Variants in INHBA observed in about 807,000 individuals in gnomAD.
INHBA encodes inhibin subunit beta A.
In INHBA, 1 loss-of-function variant was observed where a neutral mutation model predicts 29.0. That is an observed-to-expected ratio of 0.03 (90% CI 0.01 to 0.16). INHBA has a LOEUF of 0.16. Among genes scored for constraint, INHBA ranks in the 10% least tolerant of loss-of-function variants. The pLI, the probability that INHBA is intolerant of heterozygous loss-of-function variation, is 1.00. For missense variants in INHBA, 376 were observed against 545.4 expected, an observed-to-expected ratio of 0.69 and a Z score of 3.09; for synonymous variants, 242 against 216.8, an observed-to-expected ratio of 1.12 and a Z score of -1.02.
chr7:41,695,962 C>T (rs1794637350), intron 2 of INHBA, among the ~76,000 whole-genome samples: 1 of 152,160 alleles, frequency 6.6e-6, no homozygotes, highest in African/African-American at 2.4e-5. Context: ...TTACAACGGA[C>T]TTTCCACCCT....
In INHBA at chr7:41,688,720, A is replaced by AAC. The variant is rs1346162575; in HGVS notation, c.*929_*930insGT. ...TGCAAATAGTAAACGATTAAAAAAA[A>AAC]AACAACAACAACATTTACAAAATAT... is the stretch of plus-strand genomic sequence containing the variant. On this transcript the variant is annotated 3_prime_UTR_variant, in exon 3 of 3. Transcript: ENST00000242208. 1 of 164,502 alleles carries AAC rather than the reference A, an allele frequency of 6.1e-6. No individual in the cohort carries two copies. The highest frequency in any genetic ancestry group is 2.4e-5 in the African/African-American group (1 of 41,618). 10.2% of individuals were successfully genotyped at this position (164,502 alleles called of 1,614,324 possible). A position where few individuals can be genotyped will look rare whatever the true frequency, so the allele number is the denominator to read the frequency against.
chr7:41,690,316 C>G lies in INHBA; in HGVS notation c.615G>C (p.Leu205Phe). ...VGLKGERSEL[L>F]LSEKVVDARK... ...GAGCGTCTACTACTTTTTCAGAGAGCAACAGTTCACTCCTCTCCCCCTTTA... is the reference window on the plus strand; with the variant it reads ...GAGCGTCTACTACTTTTTCAGAGAGGAACAGTTCACTCCTCTCCCCCTTTA... Residue 205 changes from leucine to phenylalanine, a missense_variant, in exon 3 of 3, where the codon TTG becomes TTC. Coordinates refer to ENST00000242208, the MANE Select transcript of INHBA (RefSeq NM_002192.4). The G allele has an allele frequency of 6.2e-7, 1 of 1,614,052 alleles. No individual in the cohort carries two copies.
In INHBA at chr7:41,690,283, G is replaced by A. The variant is rs769460107; in HGVS notation, c.648C>T (p.Ser216=). The change falls in exon 3 of 3, where the codon AGC becomes AGT. Residue 216 remains serine (S), a synonymous_variant. Transcript: ENST00000242208. ...TGGAGACAGGGAAGACATGCCAGGT[G>A]CTCTTCCGAGCGTCTACTACTTTTT... The part of the protein sequence containing the change: ...LSEKVVDARK[S]TWHVFPVSSS... 2.5e-6 allele frequency: 4 copies of A among 1,614,042 alleles called. No individual in the cohort carries two copies. Among genetic ancestry groups the A allele is most frequent in the South Asian group, 1.1e-5 (1 of 91,068 alleles).
intron 2 of INHBA, among the ~76,000 whole-genome samples, chr7:41,699,232 G>T (rs189657002): frequency 3.3e-5 from 5 of 152,166 alleles, no homozygotes; most frequent in African/African-American, 1.2e-4. Flanking sequence ...TCAAGGTTGC[G>T]TTCCTTGGCA....
In INHBA at chr7:41,697,581, G is replaced by A. The variant is rs953038700; in HGVS notation, c.388+2406C>T. On this transcript the variant is annotated intron_variant, in intron 2 of 2. Transcript: ENST00000242208. ...AAGGGGCTGCTATGGGTCTGCATCT[G>A]TGGCATGCTCATGGGTGACAATGTC... Among the ~76,000 whole-genome samples, 15 of 152,172 alleles carry A rather than the reference G, an allele frequency of 9.9e-5. No homozygotes were observed. The East Asian group carries it at 1.3e-3, about 14-fold the overall frequency.
At chr7:41,694,644 T>C (rs544441795) in intron 2 of INHBA, among the ~76,000 whole-genome samples, 1 of 152,324 alleles carries the variant, frequency 6.6e-6, no homozygotes, top group African/African-American at 2.4e-5. Context: ...ATTCTTTTCA[T>C]CCTCTGTGCT....
chr7:41,697,888 A>G (rs1794684919), intron 2 of INHBA, among the ~76,000 whole-genome samples: 1 of 152,198 alleles, frequency 6.6e-6, no homozygotes, highest in South Asian at 2.1e-4. Flanking sequence ...AATACATGAA[A>G]TTACATTAAA....
At chr7:41,694,506 C>T (rs1308735557) in intron 2 of INHBA, among the ~76,000 whole-genome samples, 1 of 152,146 alleles carries the variant, frequency 6.6e-6, no homozygotes, top group Non-Finnish European at 1.5e-5. Flanking sequence ...GAATGTCTTC[C>T]CATAGTGCGC....
At chr7:41,698,703 G>T (rs949681001) in intron 2 of INHBA, among the ~76,000 whole-genome samples, 15 of 152,286 alleles carry the variant, frequency 9.8e-5, no homozygotes, top group Admixed American at 9.1e-4. Context: ...TCCTGCAAGG[G>T]GAAGCCACAC....
chr7:41,693,749 C>T (rs1476400252), intron 2 of INHBA, among the ~76,000 whole-genome samples: 2 of 152,170 alleles, frequency 1.3e-5, no homozygotes, highest in African/African-American at 2.4e-5. Context: ...AACTGCATGG[C>T]ATCGCCTGCG....
Position 41,685,205 on chromosome 7 carries a change from C to T in INHBA, c.*4445G>A, listed in dbSNP as rs1333584829. On this transcript the variant is annotated 3_prime_UTR_variant, in exon 3 of 3. Transcript: ENST00000242208. ...GTCCACTAACTGTACAAAATATTGA[C>T]TGCATGCCTCGCAAACACCAAAATA... The T allele has an allele frequency of 6.6e-6, 1 of 152,106 alleles. No individual in the cohort carries two copies. Among genetic ancestry groups the T allele is most frequent in the Non-Finnish European group, 1.5e-5 (1 of 67,978 alleles). The allele number at this position is 152,106 out of a possible 1,614,324, so 9.4% of individuals were successfully genotyped here.
At chr7:41,698,380 T>C (rs1464863477) in intron 2 of INHBA, among the ~76,000 whole-genome samples, 1 of 152,184 alleles carries the variant, frequency 6.6e-6, no homozygotes, top group Non-Finnish European at 1.5e-5. Context: ...GTGTGGAGGT[T>C]GGTATACAAA....
At chr7:41,704,411 T>C (rs1329224424), upstream of INHBA, among the ~76,000 whole-genome samples, 1 of 151,868 alleles carries the variant, frequency 6.6e-6, no homozygotes, top group Non-Finnish European at 1.5e-5. Flanking sequence ...AAGACAGAAA[T>C]AGGATTAATG....
intron 2 of INHBA, among the ~76,000 whole-genome samples, chr7:41,698,900 T>C (rs534698914): frequency 1.3e-5 from 2 of 152,368 alleles, no homozygotes; most frequent in African/African-American, 4.8e-5. Context: ...ACTGGCCATA[T>C]GCTCTACCAA....
Position 41,698,754 on chromosome 7 carries a change from C to G in INHBA, c.388+1233G>C, listed in dbSNP as rs894167200. Among the ~76,000 whole-genome samples, 4 of 152,222 alleles carry G rather than the reference C, an allele frequency of 2.6e-5. No homozygotes were observed. The South Asian group carries it at 6.2e-4, about 24-fold the overall frequency. On this transcript the variant is annotated intron_variant, in intron 2 of 2. Transcript: ENST00000242208. ...TGCACCCCCGGAAAGATGCCCTGGTCTTTCATGGTTTTCTTGAAAACAGAA... is the reference window on the plus strand; with the variant it reads ...TGCACCCCCGGAAAGATGCCCTGGTGTTTCATGGTTTTCTTGAAAACAGAA...
At position 41,686,619 on chromosome 7, in the gene INHBA, G is replaced by A. The variant is rs908850199; in HGVS notation, c.*3031C>T. The A allele has an allele frequency of 2.0e-5, 3 of 152,142 alleles. No homozygotes were observed. The highest frequency in any genetic ancestry group is 4.4e-5 in the Non-Finnish European group (3 of 68,006). The allele number at this position is 152,142 out of a possible 1,614,324, so 9.4% of individuals were successfully genotyped here. A position where few individuals can be genotyped will look rare whatever the true frequency, so the allele number is the denominator to read the frequency against. On this transcript the variant is annotated 3_prime_UTR_variant, in exon 3 of 3. Coordinates refer to ENST00000242208, the MANE Select transcript of INHBA (RefSeq NM_002192.4). ...GCCATATAAATTTAACAAAATTAAA[G>A]TTTGTGGGTGTTTGATAACCCAATC...
At chr7:41,694,346 G>T (rs1386686397) in intron 2 of INHBA, among the ~76,000 whole-genome samples, 4 of 152,074 alleles carry the variant, frequency 2.6e-5, no homozygotes, top group Non-Finnish European at 5.9e-5. Flanking sequence ...TTGCTATACT[G>T]CAGTGACACT....
upstream of INHBA, chr7:41,705,384 T>C (rs1253690449): frequency 6.6e-6 from 1 of 152,242 alleles, no homozygotes; most frequent in African/African-American, 2.4e-5. Context: ...CAAGCCGGTC[T>C]AAGCGGCAGC....
In INHBA at chr7:41,685,705, T is replaced by TA. The variant is rs1027148706; in HGVS notation, c.*3944dup. On this transcript the variant is annotated 3_prime_UTR_variant, in exon 3 of 3. Coordinates refer to ENST00000242208, the MANE Select transcript of INHBA (RefSeq NM_002192.4). ...CAGAAGAAATGATTCACTTTATGCATAAAAAATAAATAATAATATAGCTGA... is the reference window on the plus strand; with the variant it reads ...CAGAAGAAATGATTCACTTTATGCATAAAAAAATAAATAATAATATAGCTGA... 6.6e-6 allele frequency: 1 copy of TA among 152,102 alleles called. No individual in the cohort carries two copies. The highest frequency in any genetic ancestry group is 1.5e-5 in the Non-Finnish European group (1 of 67,976). The allele number at this position is 152,102 out of a possible 1,614,324, so 9.4% of individuals were successfully genotyped here.
Sources: gnomAD v4.1 joint callset for allele counts (sites outside exome capture counted in the v4.1 genomes callset) on GRCh38, gnomAD v4.1.1 for gene constraint, MANE v1.5 for transcripts, NCBI Gene and HGNC (gene_info 2026-07-23, HGNC 2026-07-21) for gene names.